Variants in PHLPP1 observed in about 807,000 individuals in gnomAD.
PHLPP1 encodes the protein PH domain and leucine rich repeat protein phosphatase 1, also known as PH domain leucine-rich repeat-containing protein phosphatase 1.
Under a neutral mutation model 117.2 loss-of-function variants are expected in PHLPP1, and 42 were observed. The ratio of observed to expected loss-of-function variants is 0.36; its 90% CI spans 0.28 to 0.46. PHLPP1 has a LOEUF of 0.46. PHLPP1 is among the 20% of genes least tolerant of loss of function. The probability of loss-of-function intolerance (pLI) is 1.00; values close to 1 mark genes in which losing one functional copy is unlikely to be tolerated. For synonymous variants in PHLPP1, 1,042 were observed against 970.7 expected (o/e 1.07, Z -1.37); for missense variants, 2,084 against 2,241.9 (o/e 0.93, Z 1.42).
chr18:62,975,668 G>C lies in PHLPP1; in HGVS notation c.3984+43G>C, dbSNP rs763989592. ...TTGCCCAGGATGGTGGAGAGGAGAG[G>C]AGAGGAGACCAGGTCATAGCAGAAA... On this transcript the variant is annotated intron_variant, in intron 16 of 16. Coordinates refer to ENST00000262719, the MANE Select transcript of PHLPP1 (RefSeq NM_194449.4). 2.3e-6 allele frequency: 3 copies of C among 1,322,422 alleles called. No individual in the cohort carries two copies. In the Middle Eastern group the frequency reaches 5.5e-4, roughly 242 times the overall value. The allele number at this position is 1,322,422 out of a possible 1,614,324, so 81.9% of individuals were successfully genotyped here.
chr18:62,882,946 TAAAA>T (rs35265223), intron 4 of PHLPP1, among the ~76,000 whole-genome samples: 6 of 121,508 alleles, frequency 4.9e-5, no homozygotes, highest in Admixed American at 3.4e-4. Flanking sequence ...GACCACATCT[TAAAA>T]AAAAAAAAAA....
At chr18:62,912,376 A>G (rs1015874602) in intron 8 of PHLPP1, among the ~76,000 whole-genome samples, 6 of 151,082 alleles carry the variant, frequency 4.0e-5, no homozygotes, top group Non-Finnish European at 5.9e-5. Flanking sequence ...TATTATAAAT[A>G]TATAATTATA....
chr18:62,825,098 A>G (rs1435612443), intron 1 of PHLPP1, among the ~76,000 whole-genome samples: 2 of 151,876 alleles, frequency 1.3e-5, no homozygotes, highest in Non-Finnish European at 2.9e-5. Context: ...AGCTAGGACT[A>G]TGGGCGCCTG....
At chr18:62,954,517 T>C (rs1396182676) in intron 12 of PHLPP1, among the ~76,000 whole-genome samples, 4 of 152,192 alleles carry the variant, frequency 2.6e-5, no homozygotes, top group Admixed American at 6.5e-5. Context: ...TTGAGGACTA[T>C]TGAAAGAACA....
Position 62,775,806 on chromosome 18 carries a change from C to T in PHLPP1, c.1577-54229C>T, listed in dbSNP as rs139335888. Among the ~76,000 whole-genome samples, 324 of 152,216 alleles carry T rather than the reference C, an allele frequency of 2.1e-3. 1 individual carries two copies. Among genetic ancestry groups the T allele is most frequent in the African/African-American group, 7.1e-3 (297 of 41,540 alleles). On this transcript the variant is annotated intron_variant, in intron 1 of 16. Transcript: ENST00000262719. ...CCACAGTCAAGATATAAAAGATTTC[C>T]GTCATCCCCAGAAGTTTTCTCATGC...
In PHLPP1 at chr18:62,978,043, C is replaced by T. The variant is rs1465930150; in HGVS notation, c.3985-219C>T. Reference sequence around the variant, plus strand: ...ATAACCGAAATCTTTTCCTTTTGTCCCTACTGCTCCTTACCTGCCCAGGCC... The same window carrying T: ...ATAACCGAAATCTTTTCCTTTTGTCTCTACTGCTCCTTACCTGCCCAGGCC... On this transcript the variant is annotated intron_variant, in intron 16 of 16. Coordinates refer to ENST00000262719, the MANE Select transcript of PHLPP1 (RefSeq NM_194449.4). The surrounding 1 kb of genome is among the most constrained non-coding windows in gnomAD (Gnocchi z 7.0). Among the ~76,000 whole-genome samples, 3 of 152,110 alleles carry T rather than the reference C, an allele frequency of 2.0e-5. No individual in the cohort carries two copies. Among genetic ancestry groups the T allele is most frequent in the African/African-American group, 7.2e-5 (3 of 41,412 alleles).
chr18:62,856,357 C>T (rs1915498433), intron 3 of PHLPP1, among the ~76,000 whole-genome samples: 1 of 152,144 alleles, frequency 6.6e-6, no homozygotes, highest in Non-Finnish European at 1.5e-5. Context: ...TGCCCCCTTA[C>T]CTTCTGACCT....
chr18:62,750,559 T>G (rs1249767327), intron 1 of PHLPP1, among the ~76,000 whole-genome samples: 1 of 152,200 alleles, frequency 6.6e-6, no homozygotes, highest in Non-Finnish European at 1.5e-5. Flanking sequence ...GTGCTCAGAT[T>G]CAGCTTGTCT....
At chr18:62,874,697 G>A (rs1245416320) in intron 4 of PHLPP1, among the ~76,000 whole-genome samples, 5 of 149,108 alleles carry the variant, frequency 3.4e-5, no homozygotes, top group Admixed American at 1.3e-4. Context: ...ACACACTCTC[G>A]CTCTCTGTCT....
At chr18:62,726,604 T>TTA (rs1180546466) in intron 1 of PHLPP1, among the ~76,000 whole-genome samples, 1 of 146,434 alleles carries the variant, frequency 6.8e-6, no homozygotes, top group African/African-American at 2.5e-5. Context: ...TTTTTTTTTT[T>TTA]ATGGAGTCTT....
At chr18:62,721,218 A>G (rs1342023613) in intron 1 of PHLPP1, among the ~76,000 whole-genome samples, 1 of 152,208 alleles carries the variant, frequency 6.6e-6, no homozygotes, top group Non-Finnish European at 1.5e-5. Flanking sequence ...AGACGGACAA[A>G]TAAGGAGACA....
chr18:62,857,081 T>C (rs1185232956), intron 3 of PHLPP1, among the ~76,000 whole-genome samples: 1 of 148,636 alleles, frequency 6.7e-6, no homozygotes, highest in Non-Finnish European at 1.5e-5. Flanking sequence ...CTAGTAGATA[T>C]TCAGTAAACA....
chr18:62,925,262 G>A (rs1434920853), intron 10 of PHLPP1, among the ~76,000 whole-genome samples: 2 of 152,122 alleles, frequency 1.3e-5, no homozygotes, highest in African/African-American at 2.4e-5. Context: ...ACATTTGATG[G>A]CCAGACCGCT....
At chr18:62,961,571 G>C (rs1289999918) in intron 13 of PHLPP1, among the ~76,000 whole-genome samples, 2 of 152,066 alleles carry the variant, frequency 1.3e-5, no homozygotes, top group East Asian at 3.8e-4. Context: ...CTTCAGGATG[G>C]TATCTAAGAG....
intron 2 of PHLPP1, among the ~76,000 whole-genome samples, chr18:62,836,678 T>C (rs1876864012): frequency 6.6e-6 from 1 of 151,758 alleles, no homozygotes; most frequent in African/African-American, 2.4e-5. Context: ...GATTGATCTA[T>C]TTTTTGAAAC....
Position 62,774,037 on chromosome 18 carries a change from G to A in PHLPP1, c.1577-55998G>A, listed in dbSNP as rs535945552. The stretch of plus-strand genomic sequence containing the variant: ...ACCCAAAGGTCTCACTTCTAACACC[G>A]TCACATTAGGGGTTAGTATTTTAAT... On this transcript the variant is annotated intron_variant, in intron 1 of 16. Coordinates refer to ENST00000262719, the MANE Select transcript of PHLPP1 (RefSeq NM_194449.4). 8.5e-5 allele frequency among the ~76,000 whole-genome samples: 13 copies of A among 152,230 alleles called. No homozygotes were observed. The South Asian group carries it at 1.2e-3, about 15-fold the overall frequency.
chr18:62,795,889 G>C (rs1208614999), intron 1 of PHLPP1, among the ~76,000 whole-genome samples: 3 of 152,150 alleles, frequency 2.0e-5, no homozygotes, highest in Non-Finnish European at 4.4e-5. Context: ...CGAGTCTCTT[G>C]TCTAAACTGT....
chr18:62,879,970 T>TCCCCCCCCCCCCCC (rs1183706672), intron 4 of PHLPP1, among the ~76,000 whole-genome samples: 1 of 151,906 alleles, frequency 6.6e-6, no homozygotes, highest in Non-Finnish European at 1.5e-5. Context: ...TGGTACTTCC[T>TCCCCCCCCCCCCCC]CCCCCCACCC....
At chr18:62,803,996 TC>T (rs1913861649) in intron 1 of PHLPP1, among the ~76,000 whole-genome samples, 1 of 152,116 alleles carries the variant, frequency 6.6e-6, no homozygotes, top group Non-Finnish European at 1.5e-5. Context: ...TAGTCCGTTT[TC>T]ACACTGCTAT....
Sources: gnomAD v4.1 joint callset for allele counts (sites outside exome capture counted in the v4.1 genomes callset) on GRCh38, gnomAD v4.1.1 for gene constraint, Gnocchi (gnomAD v3.1) non-coding constraint, MANE v1.5 for transcripts, NCBI Gene and HGNC (gene_info 2026-07-23, HGNC 2026-07-21) for gene names.